Variants in ADGRE1 observed in about 807,000 individuals in gnomAD.
ADGRE1 encodes EGF-like module receptor 1.
A neutral mutation model predicts 102.7 loss-of-function variants in ADGRE1; 82 were observed. The ratio of observed to expected loss-of-function variants is 0.80; its 90% CI spans 0.67 to 0.96. ADGRE1 has a LOEUF of 0.96. Ranked by LOEUF, ADGRE1 falls within the 40% of genes least tolerant of loss-of-function variation. The probability of loss-of-function intolerance (pLI) is 0.00; values close to 1 mark genes in which losing one functional copy is unlikely to be tolerated. For synonymous variants in ADGRE1, 398 were observed against 399.6 expected (o/e 1.00, Z 0.05); for missense variants, 1,032 against 1,085.3 (o/e 0.95, Z 0.69).
At chr19:6,928,442 T>C (rs976731744) in intron 17 of ADGRE1, 1 of 1,028,100 alleles carries the variant, frequency 9.7e-7, no homozygotes, top group Non-Finnish European at 1.3e-6. Context: ...TCTGGCCAAC[T>C]TGGCGAAACC....
Position 6,903,903 on chromosome 19 carries a change from C to T in ADGRE1, c.755C>T (p.Pro252Leu). Residue 252 changes from proline to leucine, a missense_variant, in exon 7 of 21, where the codon CCA (proline) becomes CTA (leucine). Pro to Leu is a moderately conservative substitution (Grantham distance 98). Coordinates refer to ENST00000312053, the MANE Select transcript of ADGRE1 (RefSeq NM_001974.5). ...YFCTCHPGFA[P>L]SNGQLNFTDQ... is the part of the protein sequence containing the mutation. ...TGCACCTGCCACCCTGGCTTTGCAC[C>T]AAGCAATGGACAGTTGAATTTCACA... 1.2e-6 allele frequency: 2 copies of T among 1,614,188 alleles called. No individual in the cohort carries two copies. Among genetic ancestry groups the T allele is most frequent in the East Asian group, 2.2e-5 (1 of 44,882 alleles).
At chr19:6,890,360 C>G (rs113578234) in intron 1 of ADGRE1, 121 bp from the exon 2 acceptor site, 3 of 871,180 alleles carry the variant, frequency 3.4e-6, no homozygotes, top group Non-Finnish European at 5.2e-6. Flanking sequence ...GTCATCTAGC[C>G]TCTTCAAACC....
At chr19:6,921,523 CA>C (rs1974665886) in intron 13 of ADGRE1, among the ~76,000 whole-genome samples, 189 bp from the exon 14 acceptor site, 1 of 152,148 alleles carries the variant, frequency 6.6e-6, no homozygotes, top group African/African-American at 2.4e-5. Context: ...TTTCTTCTAG[CA>C]ACAGCAATGT....
chr19:6,938,398 A>G (rs923589588), intron 20 of ADGRE1, among the ~76,000 whole-genome samples: 1 of 152,198 alleles, frequency 6.6e-6, no homozygotes, highest in Non-Finnish European at 1.5e-5. Context: ...GAAAATTTTT[A>G]TGTATTATGG....
At chr19:6,923,422 T>C (rs1974754603) in intron 14 of ADGRE1, among the ~76,000 whole-genome samples, 1 of 152,200 alleles carries the variant, frequency 6.6e-6, no homozygotes, top group African/African-American at 2.4e-5. Flanking sequence ...TATAAGGCAA[T>C]TGCCATTAAT....
chr19:6,940,310 A>ACCG lies in ADGRE1; in HGVS notation c.*281_*282insCCG. 3.7e-6 allele frequency: 2 copies of ACCG among 539,870 alleles called. No individual in the cohort carries two copies. The highest frequency in any genetic ancestry group is 6.6e-6 in the Non-Finnish European group (2 of 301,690). 33.4% of individuals were successfully genotyped at this position (539,870 alleles called of 1,614,324 possible). The stretch of plus-strand genomic sequence containing the variant: ...CAGACCCAAATTCAATGGCATGACC[A>ACCG]AGAACACCTGGCTACCATTTTGTTT... On this transcript the variant is annotated 3_prime_UTR_variant, in exon 21 of 21. Transcript: ENST00000312053.
intron 2 of ADGRE1, among the ~76,000 whole-genome samples, chr19:6,892,720 T>A (rs767761684): frequency 5.0e-4 from 76 of 152,212 alleles, no homozygotes; most frequent in Non-Finnish European, 9.4e-4. Flanking sequence ...TCAGTGTCCG[T>A]CAACAGATGA....
chr19:6,902,112 G>A, intron 6 of ADGRE1, 91 bp downstream of exon 6: 1 of 1,492,334 alleles, frequency 6.7e-7, no homozygotes, highest in Non-Finnish European at 9.2e-7. Flanking sequence ...TTGAGTTTGA[G>A]ACTTTCATCT....
In ADGRE1 at chr19:6,926,464, A is replaced by G. The variant is rs781111640; in HGVS notation, c.2085A>G (p.Arg695=). ...VEAVILFLMV[R]NLKVVNYFSS... ...CTGTGATACTGTTCTTGATGGTCAG[A>G]AACCTGAAGGTGGTGAATTACTTCA... is the stretch of plus-strand genomic sequence containing the variant. Residue 695 remains arginine (R), a synonymous_variant, in exon 16 of 21, where the codon AGA becomes AGG. Coordinates refer to ENST00000312053, the MANE Select transcript of ADGRE1 (RefSeq NM_001974.5). 5.6e-6 allele frequency: 9 copies of G among 1,614,234 alleles called. No individual in the cohort carries two copies. In the South Asian group the frequency reaches 7.7e-5, roughly 14 times the overall value.
intron 16 of ADGRE1, 25 bp from the exon 17 acceptor site, chr19:6,928,120 T>C (rs746818187): frequency 1.2e-6 from 2 of 1,609,934 alleles, no homozygotes; most frequent in Non-Finnish European, 1.7e-6. Flanking sequence ...AGACAAGCGC[T>C]GACTCCTCCT....
At chr19:6,918,628 A>G (rs1974497359) in intron 12 of ADGRE1, among the ~76,000 whole-genome samples, 1 of 152,212 alleles carries the variant, frequency 6.6e-6, no homozygotes. Context: ...ATAACCATAG[A>G]TGTGGGAGAA....
rs960516501 is a variant in ADGRE1 at position 6,901,060 on chromosome 19, C to T, written c.515-815C>T. 3.9e-5 allele frequency among the ~76,000 whole-genome samples: 6 copies of T among 152,354 alleles called. 1 individual carries two copies. The highest frequency in any genetic ancestry group is 6.5e-5 in the Admixed American group (1 of 15,296). ...CCATGGTTGGGAATGGATCACCCCA[C>T]TCTGTCCATCTTCCAGCCCAGGTGA... On this transcript the variant is annotated intron_variant, in intron 5 of 20. Coordinates refer to ENST00000312053, the MANE Select transcript of ADGRE1 (RefSeq NM_001974.5).
chr19:6,919,193 C>T (rs1453482181), intron 12 of ADGRE1, among the ~76,000 whole-genome samples: 3 of 151,982 alleles, frequency 2.0e-5, no homozygotes, highest in East Asian at 1.9e-4. Context: ...TCACCACGCC[C>T]GGCTAATTTT....
At chr19:6,928,493 G>A (rs1053874117) in intron 17 of ADGRE1, 26 of 560,074 alleles carry the variant, frequency 4.6e-5, no homozygotes, top group Non-Finnish European at 7.4e-5. Context: ...TGGGTGTGGT[G>A]GCGAGCACTT....
intron 10 of ADGRE1, among the ~76,000 whole-genome samples, chr19:6,913,006 C>G (rs913839835): frequency 1.3e-5 from 2 of 152,114 alleles, no homozygotes; most frequent in Non-Finnish European, 2.9e-5. Flanking sequence ...GTGATCATAG[C>G]TCACTGCAGC....
intron 2 of ADGRE1, among the ~76,000 whole-genome samples, chr19:6,894,269 T>C (rs1290385182): frequency 6.6e-6 from 1 of 152,160 alleles, no homozygotes; most frequent in Non-Finnish European, 1.5e-5. Context: ...GTGAGCCTCT[T>C]TCCTAGCACC....
Position 6,937,337 on chromosome 19 carries a change from G to A in ADGRE1, c.2476G>A (p.Ala826Thr), listed in dbSNP as rs1315551801. 6.2e-7 allele frequency: 1 copy of A among 1,613,944 alleles called. No homozygotes were observed. Among genetic ancestry groups the A allele is most frequent in the Non-Finnish European group, 8.5e-7 (1 of 1,180,014 alleles). The stretch of plus-strand genomic sequence containing the variant: ...GATTGGACCTGTGGCAGGTGTCATG[G>A]CTTACCTGTTCACCATCATCAACAG... ...FQIGPVAGVM[A>T]YLFTIINSLQ... is the part of the protein sequence containing the mutation. The change falls in exon 19 of 21, where the codon GCT becomes ACT. Residue 826 changes from alanine (A) to threonine (T), a missense_variant. Ala to Thr is a moderately conservative substitution (Grantham distance 58, BLOSUM62 0). Coordinates refer to ENST00000312053, the MANE Select transcript of ADGRE1 (RefSeq NM_001974.5).
chr19:6,889,015 G>GTGA lies in ADGRE1; in HGVS notation c.31+1393_31+1395dup, dbSNP rs772334544. 7.9e-5 allele frequency among the ~76,000 whole-genome samples: 12 copies of GTGA among 151,702 alleles called. No homozygotes were observed. The East Asian group carries it at 1.8e-3, about 22-fold the overall frequency. ...GAAAATGGTGATGATGATGGTGATG[G>GTGA]TGATGATGATGATGATGATAATGGT... On this transcript the variant is annotated intron_variant, in intron 1 of 20. Coordinates refer to ENST00000312053, the MANE Select transcript of ADGRE1 (RefSeq NM_001974.5).
chr19:6,892,576 C>A (rs1302370490), intron 2 of ADGRE1, among the ~76,000 whole-genome samples: 1 of 152,156 alleles, frequency 6.6e-6, no homozygotes, highest in Non-Finnish European at 1.5e-5. Flanking sequence ...CGTCTTCCAA[C>A]CAGTGGCCAG....
Sources: allele counts gnomAD v4.1 joint callset (sites outside exome capture counted in the v4.1 genomes callset), GRCh38; gene constraint gnomAD v4.1.1; transcripts MANE v1.5; gene names NCBI Gene and HGNC (gene_info 2026-07-23, HGNC 2026-07-21).